Variants in ZNF556 observed in about 807,000 individuals in gnomAD.
ZNF556 encodes the protein zinc finger protein 556.
ZNF556 carries 11 observed loss-of-function variants against 13.6 expected under a neutral mutation model. The observed-to-expected ratio is 0.81, with a 90% CI of 0.51 to 1.33. The LOEUF is 1.33. ZNF556 is among the 40% of genes most tolerant of loss of function. The pLI is 0.00. For synonymous variants in ZNF556, 229 were observed against 207.8 expected (o/e 1.10, Z -0.88); for missense variants, 633 against 566.2 (o/e 1.12, Z -1.20).
chr19:2,877,538 G>A lies in ZNF556; in HGVS notation c.580G>A (p.Glu194Lys), dbSNP rs760952339. 6.2e-7 allele frequency: 1 copy of A among 1,614,134 alleles called. No homozygotes were observed. Among genetic ancestry groups the A allele is most frequent in the South Asian group, 1.1e-5 (1 of 91,076 alleles). Residue 194 changes from glutamate (E) to lysine (K), a missense_variant, in exon 4 of 4, where the codon GAG (glutamate) becomes AAG (lysine). Coordinates refer to ENST00000307635, the MANE Select transcript of ZNF556 (RefSeq NM_024967.3). ...TCGCCCTTCCTACCTACAGACGCAT[G>A]AGAAAACTCACAGTGGAGAGAAACC... ...FSRPSYLQTH[E>K]KTHSGEKPYA...
chr19:2,873,675 T>C, intron 2 of ZNF556, 53 bp downstream of exon 2: 2 of 1,578,710 alleles, frequency 1.3e-6, no homozygotes, highest in South Asian at 2.3e-5. Flanking sequence ...ATGTTTTGTC[T>C]GGTTGCAGTG....
chr19:2,873,387 A>T, intron 1 of ZNF556, 109 bp from the exon 2 acceptor site: 1 of 1,324,816 alleles, frequency 7.5e-7, no homozygotes, highest in East Asian at 2.3e-5. Flanking sequence ...TCTTAAATAG[A>T]TATTGGCAGA....
intron 1 of ZNF556, among the ~76,000 whole-genome samples, chr19:2,872,268 G>A (rs1176959651): frequency 2.0e-5 from 3 of 151,912 alleles, no homozygotes; most frequent in African/African-American, 7.3e-5. Context: ...GGTCTGCTAA[G>A]TAGCGGGTGT....
At position 2,883,056 on chromosome 19, in the gene ZNF556, G is replaced by A. The variant is rs1192895183; in HGVS notation, c.*4727G>A. ...TGCAGAAAACTAGAGTTCCTCACAG[G>A]GTGAGGAAGAGTTATGGTCATCTGC... On this transcript the variant is annotated 3_prime_UTR_variant, in exon 4 of 4. Coordinates refer to ENST00000307635, the MANE Select transcript of ZNF556 (RefSeq NM_024967.3). 2.6e-5 allele frequency: 4 copies of A among 152,150 alleles called. No individual in the cohort carries two copies. Among genetic ancestry groups the A allele is most frequent in the East Asian group, 1.9e-4 (1 of 5,198 alleles). The allele number at this position is 152,150 out of a possible 1,614,324, so 9.4% of individuals were successfully genotyped here. A position where few individuals can be genotyped will look rare whatever the true frequency, so the allele number is the denominator to read the frequency against.
At chr19:2,876,782 T>C (rs2144891560) in intron 3 of ZNF556, among the ~76,000 whole-genome samples, 1 of 152,286 alleles carries the variant, frequency 6.6e-6, no homozygotes, top group South Asian at 2.1e-4. Context: ...ATTACTATTG[T>C]TTTTGTAATG....
Position 2,879,784 on chromosome 19 carries a change from A to G in ZNF556, c.*1455A>G, listed in dbSNP as rs945695978. On this transcript the variant is annotated 3_prime_UTR_variant, in exon 4 of 4. Coordinates refer to ENST00000307635, the MANE Select transcript of ZNF556 (RefSeq NM_024967.3). The stretch of plus-strand genomic sequence containing the variant: ...GGTGACTCACGCCTGTAATCCCAGC[A>G]CTTTGGGAGGCTGAGGTGGGCGGAT... The G allele has an allele frequency of 1.3e-5, 2 of 151,766 alleles. No individual in the cohort carries two copies. Among genetic ancestry groups the G allele is most frequent in the Non-Finnish European group, 2.9e-5 (2 of 68,002 alleles). 9.4% of individuals were successfully genotyped at this position (151,766 alleles called of 1,614,324 possible).
At chr19:2,867,507 G>A (rs568353680) in intron 1 of ZNF556, 83 bp downstream of exon 1, 8 of 1,549,566 alleles carry the variant, frequency 5.2e-6, no homozygotes, top group South Asian at 3.6e-5. Flanking sequence ...TGAAACTCCC[G>A]GGGGAGCCGC....
chr19:2,877,634 A>G lies in ZNF556; in HGVS notation c.676A>G (p.Thr226Ala). 4 of 1,614,222 alleles carry G rather than the reference A, an allele frequency of 2.5e-6. No homozygotes were observed. In the South Asian group the frequency reaches 4.4e-5, roughly 18 times the overall value. ...TCTCACTGAACATGTAAGGACTCACACTGGAGAGAAACCCTACGAATGTGG... is the reference window on the plus strand; with the variant it reads ...TCTCACTGAACATGTAAGGACTCACGCTGGAGAGAAACCCTACGAATGTGG... ...HSLTEHVRTH[T>A]GEKPYECGQC... The change falls in exon 4 of 4, where the codon ACT (threonine) becomes GCT (alanine). Residue 226 changes from threonine to alanine, a missense_variant. By Grantham distance (58) the Thr-to-Ala change is moderately conservative. Transcript: ENST00000307635.
chr19:2,870,115 T>A (rs1568351566), intron 1 of ZNF556, among the ~76,000 whole-genome samples: 1 of 152,204 alleles, frequency 6.6e-6, no homozygotes, highest in African/African-American at 2.4e-5. Flanking sequence ...TTGGATCACA[T>A]CTGAAAGCTT....
At chr19:2,877,040 C>T (rs990470895) in intron 3 of ZNF556, among the ~76,000 whole-genome samples, 7 of 151,908 alleles carry the variant, frequency 4.6e-5, no homozygotes, top group Non-Finnish European at 8.8e-5. Flanking sequence ...TGGTGAAACC[C>T]TGTCTCTACC....
intron 2 of ZNF556, chr19:2,874,940 T>C (rs2087838432): frequency 6.8e-6 from 1 of 147,432 alleles, no homozygotes. Context: ...TTGCTTCTCA[T>C]TAGTTGAAAT....
In ZNF556 at chr19:2,882,531, A is replaced by AGTGTTT. The variant is rs1555726896; in HGVS notation, c.*4206_*4207insTTGTGT. On this transcript the variant is annotated 3_prime_UTR_variant, in exon 4 of 4. Transcript: ENST00000307635. ...ATACATTTTATATATATATATATAT[A>AGTGTTT]GTGTGTGTGTGTGTGTGTGTGTGTG... The AGTGTTT allele has an allele frequency of 7.8e-6, 1 of 127,722 alleles. No individual in the cohort carries two copies. Among genetic ancestry groups the AGTGTTT allele is most frequent in the Non-Finnish European group, 1.6e-5 (1 of 62,732 alleles). The allele number at this position is 127,722 out of a possible 1,614,324, so 7.9% of individuals were successfully genotyped here.
At chr19:2,876,598 C>G (rs1704903866) in intron 3 of ZNF556, among the ~76,000 whole-genome samples, 1 of 151,894 alleles carries the variant, frequency 6.6e-6, no homozygotes, top group Admixed American at 6.6e-5. Context: ...GGCTGTAATC[C>G]TAGCTGCTCA....
At position 2,878,029 on chromosome 19, in the gene ZNF556, C is replaced by T. The variant is rs2087874299; in HGVS notation, c.1071C>T (p.Pro357=). The change falls in exon 4 of 4, where the codon CCC becomes CCT. Residue 357 remains proline, a synonymous_variant. Coordinates refer to ENST00000307635, the MANE Select transcript of ZNF556 (RefSeq NM_024967.3). The stretch of plus-strand genomic sequence containing the variant: ...GAAAGTCTTCCGCGAGGCCTCGCCC[C>T]TCCACAGATGTCAAATCACAAACTA... ...SVGKSSARPR[P]STDVKSQTRE... 6.2e-7 allele frequency: 1 copy of T among 1,614,128 alleles called. No homozygotes were observed. Among genetic ancestry groups the T allele is most frequent in the African/African-American group, 1.3e-5 (1 of 75,066 alleles).
rs1291523845 is a variant in ZNF556 at position 2,877,994 on chromosome 19, G to A, written c.1036G>A (p.Gly346Ser). 1.2e-6 allele frequency: 2 copies of A among 1,614,126 alleles called. No homozygotes were observed. Among genetic ancestry groups the A allele is most frequent in the East Asian group, 2.2e-5 (1 of 44,878 alleles). The change falls in exon 4 of 4, where the codon GGC (glycine) becomes AGC (serine). Residue 346 changes from glycine (G) to serine (S), a missense_variant. Transcript: ENST00000307635. The stretch of plus-strand genomic sequence containing the variant: ...TGCTAAAAAGAAACCTGTGAGTGGG[G>A]GCAGCGTGGGAAAGTCTTCCGCGAG... ...THAKKKPVSG[G>S]SVGKSSARPR... is the part of the protein sequence containing the mutation.
rs2087916543 is a variant in ZNF556 at position 2,882,954 on chromosome 19, G to A, written c.*4625G>A. 6.6e-6 allele frequency: 1 copy of A among 152,160 alleles called. No homozygotes were observed. The highest frequency in any genetic ancestry group is 1.5e-5 in the Non-Finnish European group (1 of 68,022). 9.4% of individuals were successfully genotyped at this position (152,160 alleles called of 1,614,324 possible). On this transcript the variant is annotated 3_prime_UTR_variant, in exon 4 of 4. Transcript: ENST00000307635. Reference sequence around the variant, plus strand: ...GGGTGTTTGTTTTTAATACCTTTGTGAAATAATTTTAAATTGCCTTATATA... The same window carrying A: ...GGGTGTTTGTTTTTAATACCTTTGTAAAATAATTTTAAATTGCCTTATATA...
chr19:2,874,221 C>T (rs2087830363), intron 2 of ZNF556, among the ~76,000 whole-genome samples: 1 of 152,056 alleles, frequency 6.6e-6, no homozygotes, highest in African/African-American at 2.4e-5. Context: ...CATGCCACTG[C>T]ACTCTAGCCT....
chr19:2,873,425 G>T, intron 1 of ZNF556, 71 bp from the exon 2 acceptor site: 1 of 1,578,672 alleles, frequency 6.3e-7, no homozygotes, highest in Non-Finnish European at 8.7e-7. Flanking sequence ...AGTGTCCTAT[G>T]AACTGAGTTC....
At chr19:2,871,763 T>G (rs1396238095) in intron 1 of ZNF556, among the ~76,000 whole-genome samples, 1 of 152,058 alleles carries the variant, frequency 6.6e-6, no homozygotes, top group Non-Finnish European at 1.5e-5. Flanking sequence ...GACAAAGAGA[T>G]AAAAGACAGC....
Sources: allele counts gnomAD v4.1 joint callset (sites outside exome capture counted in the v4.1 genomes callset), GRCh38; gene constraint gnomAD v4.1.1; transcripts MANE v1.5; gene names NCBI Gene and HGNC (gene_info 2026-07-23, HGNC 2026-07-21).